TBR1: variants seen among roughly 807,000 people sequenced by gnomAD.
The protein encoded by TBR1 is T-box brain transcription factor 1.
Under a neutral mutation model 60.3 loss-of-function variants are expected in TBR1, and 7 were observed. The ratio of observed to expected loss-of-function variants is 0.12; its 90% confidence interval spans 0.07 to 0.22. The LOEUF is 0.22. Ranked by LOEUF, TBR1 falls within the 10% of genes least tolerant of loss-of-function variation. The pLI is 1.00. For synonymous variants in TBR1, 417 were observed against 409.9 expected, an observed-to-expected ratio of 1.02 and a Z score of -0.21; for missense variants, 616 against 936.8, an observed-to-expected ratio of 0.66 and a Z score of 4.47.
At chr2:161,420,313 A>C in intron 5 of TBR1, 56 bp downstream of exon 5, 1 of 1,451,790 alleles carries the variant, frequency 6.9e-7, no homozygotes, top group Non-Finnish European at 9.6e-7. Flanking sequence ...CTTTAGGTCA[A>C]AGGTGTATTA....
chr2:161,418,087 G>GGTGT (rs1185887867), intron 2 of TBR1, 114 bp from the exon 3 acceptor site: 104 of 1,388,606 alleles, frequency 7.5e-5, no homozygotes, highest in East Asian at 2.5e-4. Flanking sequence ...GGTGGAGTAA[G>GGTGT]GTGTGTGTAT....
chr2:161,420,796 A>C (rs1684219797), intron 5 of TBR1: 2 of 152,466 alleles, frequency 1.3e-5, no homozygotes, highest in South Asian at 4.1e-4. Flanking sequence ...CTACGGACTG[A>C]ATACAAATGT....
At position 161,423,429 on chromosome 2, in the gene TBR1, G is replaced by C; in HGVS notation, c.1251G>C (p.Ser417=). ...CCTCGCCCAACGACTCGCCGCGCTC[G>C]CAGATCGTGCCCGGGGCCCGCTACG... The part of the protein sequence containing the change: ...LTPSPNDSPR[S]QIVPGARYAM... Residue 417 remains serine (S), a synonymous_variant, in exon 6 of 6, where the codon TCG becomes TCC. Transcript: ENST00000389554. 6.2e-7 allele frequency: 1 copy of C among 1,600,812 alleles called. No homozygotes were observed. Among genetic ancestry groups the C allele is most frequent in the Non-Finnish European group, 8.5e-7 (1 of 1,174,284 alleles).
chr2:161,420,095 G>T (rs1215035047), intron 4 of TBR1, 101 bp from the exon 5 acceptor site: 8 of 833,054 alleles, frequency 9.6e-6, no homozygotes, highest in South Asian at 2.4e-5. Context: ...TTAATAAATT[G>T]TAGGCCTTAA....
At chr2:161,421,640 G>A (rs1191862613) in intron 5 of TBR1, 1 of 152,220 alleles carries the variant, frequency 6.6e-6, no homozygotes, top group Non-Finnish European at 1.5e-5. Flanking sequence ...GACCTGGATA[G>A]GCATCTAAAC....
chr2:161,419,897 T>C (rs1422283668), intron 4 of TBR1: 1 of 197,526 alleles, frequency 5.1e-6, no homozygotes, highest in African/African-American at 2.3e-5. Context: ...AAGTGCATTG[T>C]GTGTAACAAG....
chr2:161,418,158 G>A, intron 2 of TBR1, 43 bp from the exon 3 acceptor site: 1 of 1,585,118 alleles, frequency 6.3e-7, no homozygotes, highest in Non-Finnish European at 8.6e-7. Context: ...CTGGGACTGG[G>A]CAGTGCCAGG....
In TBR1 at chr2:161,423,355, T is replaced by TCC. The variant is rs1559062312; in HGVS notation, c.1191-12_1191-11dup. 2.0e-6 allele frequency: 2 copies of TCC among 1,006,802 alleles called. No individual in the cohort carries two copies. Among genetic ancestry groups the TCC allele is most frequent in the Non-Finnish European group, 1.3e-6 (1 of 768,678 alleles). The allele number at this position is 1,006,802 out of a possible 1,614,324, so 62.4% of individuals were successfully genotyped here. Reference sequence around the variant, plus strand: ...CACCCCTCGGCTCTCTCTCTCTCTCTCCCTACCCCGCAGGATCTACACCGG... The same window carrying TCC: ...CACCCCTCGGCTCTCTCTCTCTCTCTCCCCCTACCCCGCAGGATCTACACCGG... On this transcript the variant is annotated splice_polypyrimidine_tract_variant and intron_variant, in intron 5 of 5. Coordinates refer to ENST00000389554, the MANE Select transcript of TBR1 (RefSeq NM_006593.4).
In TBR1 at chr2:161,423,902, T is replaced by C; in HGVS notation, c.1724T>C (p.Met575Thr). ...AACAGCGCCGCGGCCGCCGCGCGCA[T>C]GGCCGGCGCCAATCCCTACCTGGGC... ...WPNSAAAAAR[M>T]AGANPYLGEE... is the part of the protein sequence containing the mutation. Residue 575 changes from methionine to threonine, a missense_variant, in exon 6 of 6, where the codon ATG becomes ACG. Physicochemically the swap from Met to Thr is moderately conservative, Grantham distance 81 (BLOSUM62 -1). Transcript: ENST00000389554. 1 of 1,383,386 alleles carries C rather than the reference T, an allele frequency of 7.2e-7. No individual in the cohort carries two copies. Among genetic ancestry groups the C allele is most frequent in the South Asian group, 1.8e-5 (1 of 54,776 alleles). 85.7% of individuals were successfully genotyped at this position (1,383,386 alleles called of 1,614,324 possible).
intron 4 of TBR1, chr2:161,419,699 C>A (rs897049354): frequency 6.6e-6 from 1 of 152,090 alleles, no homozygotes; most frequent in South Asian, 2.1e-4. Flanking sequence ...GTGTTTGTTT[C>A]TTTTTTTTAC....
chr2:161,420,125 A>G, intron 4 of TBR1, 71 bp from the exon 5 acceptor site: 13 of 1,345,196 alleles, frequency 9.7e-6, no homozygotes, highest in Non-Finnish European at 1.4e-5. Flanking sequence ...AAAGTGGCAG[A>G]TGATATATTC....
intron 5 of TBR1, 98 bp from the exon 6 acceptor site, chr2:161,423,271 C>T: frequency 1.1e-6 from 1 of 931,094 alleles, no homozygotes; most frequent in Non-Finnish European, 1.5e-6. Context: ...TGGGGGTGGG[C>T]GAAAAGTGGA....
intron 3 of TBR1, chr2:161,418,564 A>AT (rs1210580625): frequency 1.8e-6 from 1 of 561,002 alleles, no homozygotes; most frequent in East Asian, 3.4e-5. Flanking sequence ...ATACTGATTG[A>AT]TTTTGAGAAG....
In TBR1 at chr2:161,417,982, C is replaced by A. The variant is rs191641523; in HGVS notation, c.847+152C>A. ...GGGGACAGGGGGACAGACTGAGCTG[C>A]GAGAAGGGGGAGGATTATGCAAAAG... On this transcript the variant is annotated intron_variant, in intron 2 of 5. Transcript: ENST00000389554. The surrounding 1 kb of genome is among the most constrained non-coding windows in gnomAD (Gnocchi z 5.3). 9 of 1,450,552 alleles carry A rather than the reference C, an allele frequency of 6.2e-6. No individual in the cohort carries two copies. Among genetic ancestry groups the A allele is most frequent in the African/African-American group, 5.7e-5 (4 of 69,772 alleles). 89.9% of individuals were successfully genotyped at this position (1,450,552 alleles called of 1,614,324 possible).
At position 161,417,145 on chromosome 2, in the gene TBR1, G is replaced by A. The variant is rs1041566958; in HGVS notation, c.692+43G>A. The A allele has an allele frequency of 6.5e-7, 1 of 1,532,108 alleles. No individual in the cohort carries two copies. Among genetic ancestry groups the A allele is most frequent in the East Asian group, 2.3e-5 (1 of 44,082 alleles). The allele number at this position is 1,532,108 out of a possible 1,614,324, so 94.9% of individuals were successfully genotyped here. A position where few individuals can be genotyped will look rare whatever the true frequency, so the allele number is the denominator to read the frequency against. On this transcript the variant is annotated intron_variant, in intron 1 of 5. Transcript: ENST00000389554. This position sits in a 1 kb window ranked among gnomAD's most constrained non-coding sequence, Gnocchi z 5.3. ...GCTGCCGCTGCTCTAGGCGCAGCCG[G>A]GGACAAGTGCACCTAGGCTGTGACT...
chr2:161,421,181 C>T (rs1200830215), intron 5 of TBR1: 1 of 152,270 alleles, frequency 6.6e-6, no homozygotes, highest in African/African-American at 2.4e-5. Context: ...AGGGTACATA[C>T]ATCTTAATTT....
chr2:161,418,582 A>G (rs1684173026), intron 3 of TBR1: 1 of 546,990 alleles, frequency 1.8e-6, no homozygotes, highest in Non-Finnish European at 3.1e-6. Context: ...AAGAAACCCC[A>G]CAAGATCTGC....
chr2:161,423,968 C>T lies in TBR1; in HGVS notation c.1790C>T (p.Pro597Leu). 1 of 1,549,016 alleles carries T rather than the reference C, an allele frequency of 6.5e-7. No individual in the cohort carries two copies. Among genetic ancestry groups the T allele is most frequent in the South Asian group, 1.2e-5 (1 of 84,034 alleles). Residue 597 changes from proline (P) to leucine (L), a missense_variant, in exon 6 of 6, where the codon CCG (proline) becomes CTG (leucine). Around this residue, in one of 8 missense-constraint regions of TBR1, gnomAD observed 210 missense variants for 297.4 expected, o/e 0.71. Transcript: ENST00000389554. ...EGLAAERSPL[P>L]PGAAEDAKPK... The stretch of plus-strand genomic sequence containing the variant: ...CTGGCCGCCGAGCGCTCGCCGCTGC[C>T]GCCCGGCGCCGCCGAGGACGCCAAG...
chr2:161,417,214 G>T lies in TBR1; in HGVS notation c.692+112G>T. The T allele has an allele frequency of 2.6e-6, 3 of 1,145,270 alleles. No homozygotes were observed. The highest frequency in any genetic ancestry group is 3.7e-6 in the Non-Finnish European group (3 of 819,110). The allele number at this position is 1,145,270 out of a possible 1,614,324, so 70.9% of individuals were successfully genotyped here. The stretch of plus-strand genomic sequence containing the variant: ...TGGGGTCGGGAGCGGAGTGGAAGGC[G>T]CCCTAGAGTTGGCTAGTTTTGGAAA... On this transcript the variant is annotated intron_variant, in intron 1 of 5. Transcript: ENST00000389554. This position sits in a 1 kb window ranked among gnomAD's most constrained non-coding sequence, Gnocchi z 5.3.
Sources: gnomAD v4.1 joint callset for allele counts on GRCh38, gnomAD v4.1.1 for gene constraint, gnomAD v4.1.1 regional missense constraint, Gnocchi (gnomAD v3.1) non-coding constraint, MANE v1.5 for transcripts, NCBI Gene and HGNC (gene_info 2026-07-23, HGNC 2026-07-21) for gene names.